The following TXNL1 variants were observed in gnomAD, a reference collection of about 807,000 sequenced individuals.
TXNL1 encodes the protein thioredoxin like 1, also known as thioredoxin-like protein 1.
A neutral mutation model predicts 35.5 loss-of-function variants in TXNL1; 14 were observed. The observed-to-expected ratio is 0.39, with a 90% confidence interval of 0.26 to 0.62. The LOEUF (loss-of-function observed/expected upper bound fraction) is 0.62. Among genes scored for constraint, TXNL1 ranks in the 20% least tolerant of loss-of-function variants. TXNL1 has a pLI of 0.47. For missense variants in TXNL1, 263 were observed against 349.7 expected (o/e 0.75, Z 1.98); for synonymous variants, 110 against 115.5 (o/e 0.95, Z 0.31).
intron 7 of TXNL1, chr18:56,608,967 C>CAAAAAAAAAA (rs1568099229): frequency 1.4e-5 from 2 of 146,640 alleles, no homozygotes; most frequent in Non-Finnish European, 1.5e-5. Context: ...AAAAAAAAAT[C>CAAAAAAAAAA]ATAAAATTCT....
chr18:56,600,389 G>C lies in TXNL1; in HGVS notation c.*2638C>G, dbSNP rs1008005336. ...GCCTCCAACAGAATATTGAGACTGG[G>C]GAACAAAGTGGGGCAGGTTTCAACT... On this transcript the variant is annotated 3_prime_UTR_variant, in exon 8 of 8. Coordinates refer to ENST00000217515, the MANE Select transcript of TXNL1 (RefSeq NM_004786.3). 3.4e-5 allele frequency: 5 copies of C among 147,340 alleles called. No individual in the cohort carries two copies. Among genetic ancestry groups the C allele is most frequent in the African/African-American group, 1.2e-4 (5 of 40,186 alleles). 9.1% of individuals were successfully genotyped at this position (147,340 alleles called of 1,614,324 possible).
chr18:56,612,574 A>G (rs1271423588), intron 6 of TXNL1, among the ~76,000 whole-genome samples: 1 of 152,064 alleles, frequency 6.6e-6, no homozygotes, highest in Non-Finnish European at 1.5e-5. Context: ...AGGTCTCATT[A>G]TGTTACCTAG....
chr18:56,623,120 T>C (rs896412372), intron 3 of TXNL1, among the ~76,000 whole-genome samples: 2 of 152,162 alleles, frequency 1.3e-5, no homozygotes, highest in Non-Finnish European at 2.9e-5. Context: ...ATGCCTGTTA[T>C]ACATTGTTTA....
At chr18:56,638,311 C>A in intron 1 of TXNL1, 32 bp downstream of exon 1, 2 of 1,584,512 alleles carry the variant, frequency 1.3e-6, no homozygotes, top group Non-Finnish European at 1.7e-6. Flanking sequence ...GAAGGACAGA[C>A]GGGGACCCAC....
At chr18:56,623,623 G>C (rs114126625) in intron 3 of TXNL1, among the ~76,000 whole-genome samples, 1 of 151,946 alleles carries the variant, frequency 6.6e-6, no homozygotes, top group Non-Finnish European at 1.5e-5. Flanking sequence ...CTTCCTTCTT[G>C]AATAGCTCTC....
chr18:56,602,812 A>AT lies in TXNL1; in HGVS notation c.*214_*215insA, dbSNP rs2023828536. 1.6e-6 allele frequency: 1 copy of AT among 618,256 alleles called. No homozygotes were observed. Among genetic ancestry groups the AT allele is most frequent in the Non-Finnish European group, 2.8e-6 (1 of 353,064 alleles). 38.3% of individuals were successfully genotyped at this position (618,256 alleles called of 1,614,324 possible). A position where few individuals can be genotyped will look rare whatever the true frequency, so the allele number is the denominator to read the frequency against. On this transcript the variant is annotated 3_prime_UTR_variant, in exon 8 of 8. Transcript: ENST00000217515. ...TGGAAAGAGAAAATACTGATTTAGA[A>AT]AGACAAAAATTAAGCTTGGCAAAAG...
chr18:56,627,780 T>G (rs924463773), intron 1 of TXNL1, among the ~76,000 whole-genome samples: 4 of 151,802 alleles, frequency 2.6e-5, no homozygotes, highest in African/African-American at 9.7e-5. Flanking sequence ...CAAGGAGGGT[T>G]TTAGGAAAAA....
At chr18:56,622,493 CTG>C (rs1414778517) in intron 3 of TXNL1, among the ~76,000 whole-genome samples, 5 of 152,226 alleles carry the variant, frequency 3.3e-5, no homozygotes, top group Admixed American at 6.5e-5. Flanking sequence ...CTGAATAACC[CTG>C]TGAGACCTAA....
At chr18:56,610,883 T>C (rs2023978866) in intron 7 of TXNL1, 110 bp downstream of exon 7, 1 of 690,454 alleles carries the variant, frequency 1.4e-6, no homozygotes, top group South Asian at 2.3e-5. Context: ...CATGACATGA[T>C]ATAATTTTGA....
chr18:56,620,470 T>G (rs1366053771), intron 3 of TXNL1, among the ~76,000 whole-genome samples: 1 of 152,226 alleles, frequency 6.6e-6, no homozygotes, highest in Non-Finnish European at 1.5e-5. Context: ...GATTACCTGA[T>G]CTTTATACGG....
rs12457258 is a variant in TXNL1 at position 56,598,438 on chromosome 18, T to C, written c.*4589A>G. 10,143 of 152,090 alleles carry C rather than the reference T, an allele frequency of 0.067. 530 individuals carry two copies. The highest frequency in any genetic ancestry group is 0.24 in the East Asian group (1,238 of 5,146). 9.4% of individuals were successfully genotyped at this position (152,090 alleles called of 1,614,324 possible). ...CCTTGGACTGAGCCTTGTAGATAAG[T>C]AGGAATTGGTCAGATGGAAAAGTTA... On this transcript the variant is annotated 3_prime_UTR_variant, in exon 8 of 8. Transcript: ENST00000217515.
At chr18:56,632,717 T>C (rs1290170961) in intron 1 of TXNL1, among the ~76,000 whole-genome samples, 1 of 152,040 alleles carries the variant, frequency 6.6e-6, no homozygotes, top group Non-Finnish European at 1.5e-5. Flanking sequence ...AATTCAAGAG[T>C]AGTGGGAAGA....
chr18:56,626,065 G>T, intron 2 of TXNL1: 1 of 521,402 alleles, frequency 1.9e-6, no homozygotes, highest in Non-Finnish European at 2.6e-6. Context: ...TATAATTCTA[G>T]GTTTGCAAAA....
At chr18:56,631,490 T>G (rs1020811298) in intron 1 of TXNL1, among the ~76,000 whole-genome samples, 1 of 152,192 alleles carries the variant, frequency 6.6e-6, no homozygotes, top group Non-Finnish European at 1.5e-5. Flanking sequence ...AAAAAGTTAC[T>G]TTTCTACTCT....
At position 56,626,367 on chromosome 18, in the gene TXNL1, C is replaced by A. The variant is rs765001652; in HGVS notation, c.189G>T (p.Gln63His). 1 of 1,610,798 alleles carries A rather than the reference C, an allele frequency of 6.2e-7. No homozygotes were observed. The highest frequency in any genetic ancestry group is 1.7e-5 in the Admixed American group (1 of 58,968). Residue 63 changes from glutamine (Q) to histidine (H), a missense_variant, in exon 2 of 8, where the codon CAG becomes CAT. Transcript: ENST00000217515. ...AAAGATTCCTTTCCCTTACCTGACACTGATGTACATCGACTTCCAAGAAAA... is the reference window on the plus strand; with the variant it reads ...AAAGATTCCTTTCCCTTACCTGACAATGATGTACATCGACTTCCAAGAAAA... ...QAVFLEVDVH[Q>H]CQGTAATNNI...
intron 3 of TXNL1, among the ~76,000 whole-genome samples, chr18:56,620,782 C>T (rs971988924): frequency 3.4e-4 from 52 of 152,080 alleles, no homozygotes; most frequent in African/African-American, 1.2e-3. Flanking sequence ...CTGAAGAAAA[C>T]TTTGTATGTC....
At position 56,602,291 on chromosome 18, in the gene TXNL1, A is replaced by G. The variant is rs970695713; in HGVS notation, c.*736T>C. On this transcript the variant is annotated 3_prime_UTR_variant, in exon 8 of 8. Transcript: ENST00000217515. ...CTCCCAAAGTACTGGGATTACAGACATTAGCCACCACACCTGGCCAATTCC... is the reference window on the plus strand; with the variant it reads ...CTCCCAAAGTACTGGGATTACAGACGTTAGCCACCACACCTGGCCAATTCC... 2.0e-5 allele frequency: 3 copies of G among 151,702 alleles called. No homozygotes were observed. The highest frequency in any genetic ancestry group is 4.4e-5 in the Non-Finnish European group (3 of 67,984). 9.4% of individuals were successfully genotyped at this position (151,702 alleles called of 1,614,324 possible).
intron 1 of TXNL1, among the ~76,000 whole-genome samples, chr18:56,633,983 C>CAAAAA (rs71169380): frequency 1.9e-5 from 1 of 51,298 alleles, no homozygotes. Context: ...GACTCCATCT[C>CAAAAA]AAAAAAAAAA....
chr18:56,606,007 C>T (rs1481204167), intron 7 of TXNL1, among the ~76,000 whole-genome samples: 2 of 152,124 alleles, frequency 1.3e-5, no homozygotes, highest in African/African-American at 2.4e-5. Flanking sequence ...TTTTATATAG[C>T]GCCCTTCACT....
Sources: gnomAD v4.1 joint callset for allele counts (sites outside exome capture counted in the v4.1 genomes callset) on GRCh38, gnomAD v4.1.1 for gene constraint, MANE v1.5 for transcripts, NCBI Gene and HGNC (gene_info 2026-07-23, HGNC 2026-07-21) for gene names.